Variants in PDE2A observed in about 807,000 individuals in gnomAD.
PDE2A encodes the protein phosphodiesterase 2A.
Under a neutral mutation model 133.6 loss-of-function variants are expected in PDE2A, and 53 were observed. The ratio of observed to expected loss-of-function variants is 0.40; its 90% CI spans 0.32 to 0.50. PDE2A has a LOEUF of 0.50. Ranked by LOEUF, PDE2A falls within the 20% of genes least tolerant of loss-of-function variation. PDE2A has a pLI of 0.73. For synonymous variants in PDE2A, 491 were observed against 490.2 expected (o/e 1.00, Z -0.02); for missense variants, 796 against 1,232.4 (o/e 0.65, Z 5.30).
intron 16 of PDE2A, 87 bp from the exon 17 acceptor site, chr11:72,585,031 C>A: frequency 7.4e-7 from 1 of 1,355,086 alleles, no homozygotes; most frequent in Non-Finnish European, 1.1e-6. Flanking sequence ...GGCCGGATTT[C>A]CGAGGCCTGG....
chr11:72,587,461 C>T (rs1856027215), intron 13 of PDE2A, among the ~76,000 whole-genome samples: 1 of 152,192 alleles, frequency 6.6e-6, no homozygotes, highest in African/African-American at 2.4e-5. Flanking sequence ...AGCCCTGCCC[C>T]TGCCCTGGGC....
intron 21 of PDE2A, 95 bp from the exon 22 acceptor site, chr11:72,582,042 A>G: frequency 1.1e-6 from 1 of 943,844 alleles, no homozygotes; most frequent in Non-Finnish European, 1.7e-6. Flanking sequence ...CAAAATCTGG[A>G]GTCTTAGAAA....
chr11:72,581,660 G>A (rs536799255), intron 22 of PDE2A, among the ~76,000 whole-genome samples, 181 bp from the exon 23 acceptor site: 2 of 152,276 alleles, frequency 1.3e-5, no homozygotes, highest in Non-Finnish European at 1.5e-5. Flanking sequence ...ACACACTCTC[G>A]GCCTTGCCTC....
At chr11:72,579,506 A>AAACCCCC in intron 26 of PDE2A, 28 bp downstream of exon 26, 4 of 1,555,588 alleles carry the variant, frequency 2.6e-6, no homozygotes, top group Non-Finnish European at 3.5e-6. Context: ...CTCCCCCTCA[A>AAACCCCC]TCCCCACCCC....
At chr11:72,668,947 G>T in intron 1 of PDE2A, 2 of 1,006,716 alleles carry the variant, frequency 2.0e-6, no homozygotes, top group Non-Finnish European at 2.4e-6. Flanking sequence ...CCCTCTCCAG[G>T]CCCCGCTAAA....
At chr11:72,615,165 C>G in intron 2 of PDE2A, 1 of 469,872 alleles carries the variant, frequency 2.1e-6, no homozygotes, top group South Asian at 1.5e-5. Flanking sequence ...AGGGTGTCCC[C>G]ATCCACAGGA....
At chr11:72,614,303 G>T (rs1477662554) in intron 2 of PDE2A, among the ~76,000 whole-genome samples, 1 of 152,232 alleles carries the variant, frequency 6.6e-6, no homozygotes, top group Non-Finnish European at 1.5e-5. Flanking sequence ...CTGGATCAGG[G>T]TGAGGAGAAT....
chr11:72,643,255 G>C (rs1231829783), intron 1 of PDE2A: 3 of 152,266 alleles, frequency 2.0e-5, no homozygotes, highest in African/African-American at 4.8e-5. Context: ...GCTGCCCGGA[G>C]GGGCCGCGTC....
chr11:72,614,962 C>G (rs895709674), intron 2 of PDE2A: 3 of 350,338 alleles, frequency 8.6e-6, no homozygotes, highest in South Asian at 2.1e-5. Flanking sequence ...TTCCTCCTCC[C>G]TCTTTCTCTT....
chr11:72,589,112 G>A (rs1288818216), intron 12 of PDE2A, 63 bp downstream of exon 12: 3 of 1,440,724 alleles, frequency 2.1e-6, no homozygotes, highest in Non-Finnish European at 2.9e-6. Context: ...CAGAGACCCT[G>A]GCTCTAGGGG....
intron 13 of PDE2A, among the ~76,000 whole-genome samples, chr11:72,586,649 C>T (rs1847291789): frequency 6.6e-6 from 1 of 152,196 alleles, no homozygotes; most frequent in African/African-American, 2.4e-5. Context: ...GGACTGCTTG[C>T]CCTGCTCATG....
chr11:72,593,617 C>T (rs925408928), intron 6 of PDE2A, among the ~76,000 whole-genome samples: 3 of 152,166 alleles, frequency 2.0e-5, no homozygotes, highest in Admixed American at 1.3e-4. Context: ...ACAAATCAGG[C>T]ATCAAATGCC....
chr11:72,590,531 C>T lies in PDE2A; in HGVS notation c.599G>A (p.Arg200Lys). 6.9e-7 allele frequency: 1 copy of T among 1,451,458 alleles called. No homozygotes were observed. The highest frequency in any genetic ancestry group is 2.7e-5 in the Admixed American group (1 of 36,692). 89.9% of individuals were successfully genotyped at this position (1,451,458 alleles called of 1,614,324 possible). ...RVQVLQQRGP[R>K]EAPRAVQNPP... ...GTTCTGGACGGCTCGGGGAGCCTCC[C>T]TGGGCCCGCGCTGCTGCAGGACCTG... Residue 200 changes from arginine to lysine, a missense_variant, in exon 8 of 31, where the codon AGG (arginine) becomes AAG (lysine). By Grantham distance (26) the Arg-to-Lys change is conservative (BLOSUM62 2). This residue lies in a region of PDE2A where 417 missense variants were observed against 475.3 expected (regional missense o/e 0.88). Coordinates refer to ENST00000334456, the MANE Select transcript of PDE2A (RefSeq NM_002599.5). This position sits in a 1 kb window ranked among gnomAD's most constrained non-coding sequence, Gnocchi z 4.8.
At chr11:72,644,047 G>A (rs930760684) in intron 1 of PDE2A, among the ~76,000 whole-genome samples, 1 of 152,068 alleles carries the variant, frequency 6.6e-6, no homozygotes, top group Non-Finnish European at 1.5e-5. Context: ...ATCAATGACT[G>A]ACTGACTCTC....
intron 2 of PDE2A, among the ~76,000 whole-genome samples, chr11:72,620,591 G>A (rs147015036): frequency 6.6e-6 from 1 of 152,180 alleles, no homozygotes; most frequent in East Asian, 1.9e-4. Flanking sequence ...AGTGGGTAAA[G>A]GTCCCAAAAG....
intron 2 of PDE2A, among the ~76,000 whole-genome samples, chr11:72,634,333 G>A (rs745544952): frequency 3.3e-5 from 5 of 152,204 alleles, no homozygotes; most frequent in African/African-American, 4.8e-5. Flanking sequence ...AGAGGAAGAC[G>A]GAGGGATGAT....
chr11:72,663,150 G>C (rs905409675), intron 1 of PDE2A, among the ~76,000 whole-genome samples: 1 of 152,166 alleles, frequency 6.6e-6, no homozygotes, highest in African/African-American at 2.4e-5. Context: ...GTCTGGGTGT[G>C]CCTGTCTCTA....
At chr11:72,577,880 G>C (rs1855537577) in intron 30 of PDE2A, among the ~76,000 whole-genome samples, 1 of 152,198 alleles carries the variant, frequency 6.6e-6, no homozygotes, top group Admixed American at 6.5e-5. Flanking sequence ...GCTGAGGCAG[G>C]AGAATCGCTT....
chr11:72,608,310 T>C (rs1002482416), intron 3 of PDE2A, among the ~76,000 whole-genome samples: 3 of 152,078 alleles, frequency 2.0e-5, no homozygotes, highest in African/African-American at 7.2e-5. Flanking sequence ...ACCCTCAACT[T>C]CTCCTGCTGC....
Sources: allele counts gnomAD v4.1 joint callset (sites outside exome capture counted in the v4.1 genomes callset), GRCh38; gene constraint gnomAD v4.1.1; regional missense constraint gnomAD v4.1.1; non-coding constraint Gnocchi (gnomAD v3.1); transcripts MANE v1.5; gene names NCBI Gene and HGNC (gene_info 2026-07-23, HGNC 2026-07-21).